The following CDH8 variants were observed in gnomAD, a reference collection of about 807,000 sequenced individuals.
CDH8 encodes the protein cadherin 8, also known as cadherin-8.
Under a neutral mutation model 68.1 loss-of-function variants are expected in CDH8, and 17 were observed. That is an observed-to-expected ratio of 0.25 (90% CI 0.17 to 0.37). The LOEUF (loss-of-function observed/expected upper bound fraction) is 0.37, where lower values mean the gene tolerates loss of function less well. CDH8 is among the 10% of genes least tolerant of loss of function. The probability of loss-of-function intolerance (pLI) is 1.00; values close to 1 mark genes in which losing one functional copy is unlikely to be tolerated. For synonymous variants in CDH8, 372 were observed against 365.1 expected, an observed-to-expected ratio of 1.02 and a Z score of -0.21; for missense variants, 763 against 999.3, an observed-to-expected ratio of 0.76 and a Z score of 3.19.
intron 8 of CDH8, among the ~76,000 whole-genome samples, chr16:61,756,929 C>G (rs1447700101): frequency 6.6e-6 from 1 of 152,134 alleles, no homozygotes; most frequent in African/African-American, 2.4e-5. Flanking sequence ...AGTAAGCTGG[C>G]CCCTATAGAC....
rs189558189 is a variant in CDH8 at position 61,972,633 on chromosome 16, A to C, written c.252+48519T>G. Among the ~76,000 whole-genome samples the C allele has an allele frequency of 2.1e-4, 32 of 150,082 alleles. 1 individual carries two copies. The East Asian group carries it at 6.4e-3, about 30-fold the overall frequency. On this transcript the variant is annotated intron_variant, in intron 2 of 11. Coordinates refer to ENST00000577390, the MANE Select transcript of CDH8 (RefSeq NM_001796.5). The stretch of plus-strand genomic sequence containing the variant: ...GTGTGTTTAATTGGGCCTGGTTCCC[A>C]GAGTTTTCAGAATAACCTTCTCCAT...
chr16:61,804,645 C>T lies in CDH8; in HGVS notation c.1277+12834G>A, dbSNP rs1259817055. Among the ~76,000 whole-genome samples, 102 of 150,038 alleles carry T rather than the reference C, an allele frequency of 6.8e-4. 1 individual carries two copies. Among genetic ancestry groups the T allele is most frequent in the African/African-American group, 2.3e-3 (95 of 40,630 alleles). On this transcript the variant is annotated intron_variant, in intron 7 of 11. Coordinates refer to ENST00000577390, the MANE Select transcript of CDH8 (RefSeq NM_001796.5). Reference sequence around the variant, plus strand: ...AAAATGATAAAGGGGATATCACCACCGATCCCACAGAAATACAAACTACCA... The same window carrying T: ...AAAATGATAAAGGGGATATCACCACTGATCCCACAGAAATACAAACTACCA...
At chr16:62,034,297 C>T (rs538958983) in intron 1 of CDH8, among the ~76,000 whole-genome samples, 30 of 152,244 alleles carry the variant, frequency 2.0e-4, no homozygotes, top group African/African-American at 7.2e-4. Flanking sequence ...TGGTATTTAG[C>T]ATGAACGACA....
At chr16:61,826,032 T>G (rs2143001906) in intron 4 of CDH8, among the ~76,000 whole-genome samples, 1 of 151,982 alleles carries the variant, frequency 6.6e-6, no homozygotes, top group East Asian at 1.9e-4. Flanking sequence ...TTTAGCTCTC[T>G]ACCTCCACAT....
chr16:61,825,318 T>C (rs916207298), intron 4 of CDH8, 139 bp from the exon 5 acceptor site: 1 of 630,224 alleles, frequency 1.6e-6, no homozygotes, highest in Admixed American at 3.5e-5. Flanking sequence ...TTCTGACATT[T>C]GATTGGTGTG....
rs1491267209 is a variant in CDH8 at position 61,960,377 on chromosome 16, ATG to A, written c.253-58906_253-58905del. 6.3e-3 allele frequency among the ~76,000 whole-genome samples: 394 copies of A among 62,684 alleles called. 70 individuals carry two copies. The highest frequency in any genetic ancestry group is 0.01 in the Admixed American group (56 of 5,600). 41.1% of individuals were successfully genotyped at this position (62,684 alleles called of 152,430 possible). ...TGTGTGTATACACATACATATATAC[ATG>A]TGTGTGTGTATACACATACATATAT... On this transcript the variant is annotated intron_variant, in intron 2 of 11. Coordinates refer to ENST00000577390, the MANE Select transcript of CDH8 (RefSeq NM_001796.5).
intron 2 of CDH8, among the ~76,000 whole-genome samples, chr16:61,912,924 T>C (rs1033899679): frequency 2.6e-5 from 4 of 152,116 alleles, no homozygotes. Context: ...AGAAAATATT[T>C]TTAAAAAGAA....
intron 8 of CDH8, among the ~76,000 whole-genome samples, chr16:61,787,397 T>C (rs988453994): frequency 2.7e-4 from 39 of 142,114 alleles, no homozygotes; most frequent in African/African-American, 1.0e-3. Context: ...TGAGATACCA[T>C]CTCATACCAG....
Position 61,647,575 on chromosome 16 carries a change from C to G in CDH8, c.*6033G>C. On this transcript the variant is annotated 3_prime_UTR_variant, in exon 12 of 12. Transcript: ENST00000577390. ...AGGGATCATAGGATGGCCTGAAGTTCTTTGCATGTACAGAAGAAATCCCAA... is the reference window on the plus strand; with the variant it reads ...AGGGATCATAGGATGGCCTGAAGTTGTTTGCATGTACAGAAGAAATCCCAA... The G allele has an allele frequency of 2.0e-6, 1 of 509,254 alleles. No homozygotes were observed. The highest frequency in any genetic ancestry group is 2.5e-5 in the South Asian group (1 of 39,280). 31.5% of individuals were successfully genotyped at this position (509,254 alleles called of 1,614,324 possible).
chr16:61,685,867 G>T (rs1013901177), intron 10 of CDH8, among the ~76,000 whole-genome samples: 1 of 151,860 alleles, frequency 6.6e-6, no homozygotes, highest in African/African-American at 2.4e-5. Context: ...AGCACAACTT[G>T]CCCTCCCACT....
intron 10 of CDH8, among the ~76,000 whole-genome samples, chr16:61,698,574 T>C (rs867162761): frequency 2.0e-5 from 3 of 152,204 alleles, no homozygotes; most frequent in Non-Finnish European, 4.4e-5. Context: ...CAAACAAATG[T>C]ATTCCATATA....
chr16:61,717,642 C>A (rs1351334207), intron 9 of CDH8, among the ~76,000 whole-genome samples: 1 of 151,484 alleles, frequency 6.6e-6, no homozygotes, highest in Admixed American at 6.6e-5. Flanking sequence ...GATCTGTTAA[C>A]AAGCATAGCT....
chr16:61,955,400 A>G (rs548580084), intron 2 of CDH8, among the ~76,000 whole-genome samples: 11 of 152,290 alleles, frequency 7.2e-5, no homozygotes, highest in African/African-American at 2.4e-4. Flanking sequence ...GTGTACATCA[A>G]TTCTGTTTTC....
intron 2 of CDH8, among the ~76,000 whole-genome samples, chr16:61,948,493 A>T (rs1964836113): frequency 6.6e-6 from 1 of 152,204 alleles, no homozygotes. Flanking sequence ...CTAAATTCAT[A>T]GGCAATGTGC....
intron 2 of CDH8, among the ~76,000 whole-genome samples, chr16:62,010,085 CAG>C (rs150677469): frequency 0.036 from 5,472 of 152,192 alleles, 206 homozygotes; most frequent in African/African-American, 0.098. Context: ...ATAAATAAAA[CAG>C]AGCCAGCACA....
At chr16:61,940,177 T>C (rs2143530406) in intron 2 of CDH8, 1 of 152,304 alleles carries the variant, frequency 6.6e-6, no homozygotes, top group South Asian at 2.1e-4. Context: ...AATAAACTTC[T>C]ACCTCTTATC....
At chr16:61,940,379 T>C (rs567849183) in intron 2 of CDH8, 3 of 151,504 alleles carry the variant, frequency 2.0e-5, no homozygotes, top group African/African-American at 4.9e-5. Context: ...GGGAGAGCTA[T>C]GGTAATGAAC....
chr16:61,901,228 C>T lies in CDH8; in HGVS notation c.498G>A (p.Glu166=), dbSNP rs895743608. Residue 166 remains glutamate, a synonymous_variant, in exon 3 of 12, where the codon GAG becomes GAA. Coordinates refer to ENST00000577390, the MANE Select transcript of CDH8 (RefSeq NM_001796.5). ...KVQDINDNAP[E]FLNGPYHATV... is the part of the protein sequence containing the mutation. Reference sequence around the variant, plus strand: ...TAGCATGATAGGGTCCATTAAGAAACTCTGGTGCATTGTCATTGATGTCTT... The same window carrying T: ...TAGCATGATAGGGTCCATTAAGAAATTCTGGTGCATTGTCATTGATGTCTT... The T allele has an allele frequency of 6.2e-7, 1 of 1,614,028 alleles. No homozygotes were observed. The highest frequency in any genetic ancestry group is 2.2e-5 in the East Asian group (1 of 44,856).
intron 2 of CDH8, 92 bp from the exon 3 acceptor site, chr16:61,901,565 T>C: frequency 3.6e-6 from 3 of 828,688 alleles, no homozygotes; most frequent in Non-Finnish European, 5.7e-6. Context: ...TTGGTTCTTT[T>C]TACATAACAT....
Sources: allele counts gnomAD v4.1 joint callset (sites outside exome capture counted in the v4.1 genomes callset), GRCh38; gene constraint gnomAD v4.1.1; transcripts MANE v1.5; gene names NCBI Gene and HGNC (gene_info 2026-07-23, HGNC 2026-07-21).